FYB1: variants seen among roughly 807,000 people sequenced by gnomAD.
FYB1 encodes FYN-binding protein 1.
A neutral mutation model predicts 94.1 loss-of-function variants in FYB1; 41 were observed. That is an observed-to-expected ratio of 0.44 (90% CI 0.34 to 0.57). The LOEUF (loss-of-function observed/expected upper bound fraction) is 0.57, where lower values mean the gene tolerates loss of function less well. Among genes scored for constraint, FYB1 ranks in the 20% least tolerant of loss-of-function variants. The pLI is 0.02. For synonymous variants in FYB1, 367 were observed against 353.2 expected, an observed-to-expected ratio of 1.04 and a Z score of -0.44; for missense variants, 1,050 against 976.8, an observed-to-expected ratio of 1.07 and a Z score of -1.00.
chr5:39,171,397 T>C (rs971109487), intron 2 of FYB1, among the ~76,000 whole-genome samples: 3 of 152,190 alleles, frequency 2.0e-5, no homozygotes, highest in Non-Finnish European at 2.9e-5. Flanking sequence ...CAGCATCACC[T>C]GAGAACTTGC....
chr5:39,244,814 C>T (rs1221139029), intron 1 of FYB1, among the ~76,000 whole-genome samples: 3 of 152,164 alleles, frequency 2.0e-5, no homozygotes, highest in Non-Finnish European at 4.4e-5. Flanking sequence ...GCCTCAATTT[C>T]AGAGCCTGTT....
At chr5:39,226,823 C>A (rs753838136) in intron 1 of FYB1, among the ~76,000 whole-genome samples, 1 of 152,214 alleles carries the variant, frequency 6.6e-6, no homozygotes, top group Non-Finnish European at 1.5e-5. Context: ...GCTCCCTCCT[C>A]CAAGTGACTT....
At chr5:39,201,528 G>A (rs1160365072) in intron 2 of FYB1, among the ~76,000 whole-genome samples, 2 of 152,106 alleles carry the variant, frequency 1.3e-5, no homozygotes, top group Non-Finnish European at 2.9e-5. Context: ...ACCCAACAAA[G>A]GAAGTAAATA....
chr5:39,221,408 T>C (rs748883380), upstream of FYB1, among the ~76,000 whole-genome samples: 32 of 152,258 alleles, frequency 2.1e-4, no homozygotes, highest in Admixed American at 8.5e-4. Flanking sequence ...TAAAAATCAG[T>C]GTTATGTTGT....
At chr5:39,145,922 CTTTTT>C (rs200987059) in intron 3 of FYB1, among the ~76,000 whole-genome samples, 1 of 140,348 alleles carries the variant, frequency 7.1e-6, no homozygotes. Context: ...CTTTTTTTTT[CTTTTT>C]TTTAAGACAG....
chr5:39,113,703 C>CATT (rs34035096), intron 16 of FYB1, among the ~76,000 whole-genome samples: 70,802 of 151,582 alleles, frequency 0.47, 16,669 homozygotes, highest in African/African-American at 0.51. Flanking sequence ...ACTATTTCAT[C>CATT]ATTTCATTTG....
chr5:39,133,833 C>T (rs988355202), intron 9 of FYB1, among the ~76,000 whole-genome samples: 6 of 151,930 alleles, frequency 3.9e-5, no homozygotes, highest in African/African-American at 1.5e-4. Context: ...TATTTAGAAT[C>T]AGAGATTTAT....
intron 2 of FYB1, among the ~76,000 whole-genome samples, chr5:39,199,576 G>A (rs1748134075): frequency 6.6e-6 from 1 of 151,940 alleles, no homozygotes; most frequent in Non-Finnish European, 1.5e-5. Context: ...AAGATATACA[G>A]GATTTATTTA....
At chr5:39,176,137 GTTTTTTTTTTTTTTT>G (rs70982547) in intron 2 of FYB1, among the ~76,000 whole-genome samples, 12,353 of 61,962 alleles carry the variant, frequency 0.2, 1,439 homozygotes, top group East Asian at 0.64. Flanking sequence ...TTTTTTTTCT[GTTTTTTTTTTTTTTT>G]TTTTTTTTTT....
At chr5:39,123,128 G>T (rs1049936226) in intron 13 of FYB1, among the ~76,000 whole-genome samples, 2 of 152,124 alleles carry the variant, frequency 1.3e-5, no homozygotes, top group Non-Finnish European at 2.9e-5. Flanking sequence ...TACAGTCAAT[G>T]AAGCTGAAGA....
At chr5:39,198,583 A>G (rs1169580338) in intron 2 of FYB1, among the ~76,000 whole-genome samples, 1 of 152,186 alleles carries the variant, frequency 6.6e-6, no homozygotes, top group East Asian at 1.9e-4. Flanking sequence ...CAAAAGCAAT[A>G]TGCATTCAGT....
chr5:39,148,703 C>G (rs1017130679), intron 3 of FYB1, among the ~76,000 whole-genome samples: 3 of 151,960 alleles, frequency 2.0e-5, no homozygotes, highest in African/African-American at 7.3e-5. Flanking sequence ...TCCAATTTTA[C>G]AGACAAAAAA....
intron 1 of FYB1, among the ~76,000 whole-genome samples, chr5:39,246,383 C>T (rs2150599616): frequency 6.6e-6 from 1 of 152,280 alleles, no homozygotes; most frequent in South Asian, 2.1e-4. Flanking sequence ...GAATATAATA[C>T]TGTATGGTGT....
At chr5:39,239,987 A>G (rs1486519220) in intron 1 of FYB1, among the ~76,000 whole-genome samples, 1 of 152,122 alleles carries the variant, frequency 6.6e-6, no homozygotes. Flanking sequence ...CACATAGACC[A>G]ATGGAATGGG....
chr5:39,247,930 C>T (rs835188), intron 1 of FYB1, among the ~76,000 whole-genome samples: 25,535 of 66,976 alleles, frequency 0.38, 5,752 homozygotes, highest in African/African-American at 0.59. Context: ...AGACAATCTG[C>T]TTTCTCTTCT....
intron 3 of FYB1, among the ~76,000 whole-genome samples, chr5:39,145,554 T>C (rs549187839): frequency 1.6e-4 from 24 of 152,170 alleles, no homozygotes; most frequent in Non-Finnish European, 3.4e-4. Context: ...TCACATAATA[T>C]AAATTTAAGT....
intron 3 of FYB1, among the ~76,000 whole-genome samples, chr5:39,142,229 G>A (rs1364147810): frequency 6.6e-5 from 10 of 152,014 alleles, no homozygotes; most frequent in Non-Finnish European, 8.8e-5. Flanking sequence ...CTTCTCTTGC[G>A]TTGTCCTTCT....
intron 1 of FYB1, among the ~76,000 whole-genome samples, chr5:39,228,020 T>A (rs1178243114): frequency 6.6e-6 from 1 of 152,132 alleles, no homozygotes; most frequent in Non-Finnish European, 1.5e-5. Context: ...GACACACATA[T>A]AAAGCCCAGT....
intron 1 of FYB1, among the ~76,000 whole-genome samples, chr5:39,243,234 G>A: frequency 6.6e-6 from 1 of 151,958 alleles, no homozygotes. Flanking sequence ...GTCCTGAATG[G>A]TATTGCTTAG....
Sources: gnomAD v4.1 joint callset for allele counts (sites outside exome capture counted in the v4.1 genomes callset) on GRCh38, gnomAD v4.1.1 for gene constraint, MANE v1.5 for transcripts, NCBI Gene and HGNC (gene_info 2026-07-23, HGNC 2026-07-21) for gene names.